The following LONRF3 variants were observed in gnomAD, a reference collection of about 807,000 sequenced individuals.
The protein encoded by LONRF3 is LON peptidase N-terminal domain and ring finger 3, also known as LON peptidase N-terminal domain and RING finger protein 3.
Under a neutral mutation model 51.7 loss-of-function variants are expected in LONRF3, and 19 were observed. The ratio of observed to expected loss-of-function variants is 0.37; its 90% confidence interval spans 0.26 to 0.54. LONRF3 has a LOEUF of 0.54. Ranked by LOEUF, LONRF3 falls within the 20% of genes least tolerant of loss-of-function variation. The probability of loss-of-function intolerance (pLI) is 0.86; values close to 1 mark genes in which losing one functional copy is unlikely to be tolerated. For synonymous variants in LONRF3, 265 were observed against 257.8 expected (o/e 1.03, Z -0.27); for missense variants, 521 against 623.9 (o/e 0.84, Z 1.76).
intron 9 of LONRF3, 60 bp downstream of exon 9, chrX:119,013,261 A>G: frequency 9.1e-7 from 1 of 1,100,676 alleles, no homozygotes. Context: ...TTGATACACA[A>G]AGATAGTTGT....
intron 2 of LONRF3, among the ~76,000 whole-genome samples, chrX:118,982,252 G>A (rs1922621088): frequency 8.9e-6 from 1 of 111,878 alleles, no homozygotes; most frequent in Non-Finnish European, 1.9e-5. Flanking sequence ...AGAGCATTCT[G>A]GGAGTCCTGA....
chrX:118,981,766 A>G (rs1054294356), intron 2 of LONRF3, among the ~76,000 whole-genome samples: 1 of 112,090 alleles, frequency 8.9e-6, no homozygotes, highest in Non-Finnish European at 1.9e-5. Context: ...AGGCAGCTTC[A>G]GGGCAGCCTC....
intron 2 of LONRF3, among the ~76,000 whole-genome samples, chrX:118,978,674 C>T (rs1369233122): frequency 1.8e-5 from 2 of 111,574 alleles, no homozygotes; most frequent in African/African-American, 6.5e-5. Context: ...CAACTCATGA[C>T]CTTCAGAGCA....
chrX:119,013,397 T>C (rs1569299013), intron 9 of LONRF3, among the ~76,000 whole-genome samples, 196 bp downstream of exon 9: 1 of 112,475 alleles, frequency 8.9e-6, no homozygotes, highest in East Asian at 2.8e-4. Flanking sequence ...GTCCTGGCTC[T>C]GCTTAGCTGC....
chrX:118,975,861 T>TGTTCCTGTCTCTCAGTCCCC (rs1921997810), intron 1 of LONRF3, among the ~76,000 whole-genome samples: 1 of 111,313 alleles, frequency 9.0e-6, no homozygotes, highest in South Asian at 3.9e-4. Flanking sequence ...TTAGCTTTTG[T>TGTTCCTGTCTCTCAGTCCCC]GTTCCTGTCT....
chrX:118,974,754 C>T lies in LONRF3; in HGVS notation c.-27C>T. 8.7e-7 allele frequency: 1 copy of T among 1,144,250 alleles called. No individual in the cohort carries two copies. The highest frequency in any genetic ancestry group is 1.2e-6 in the Non-Finnish European group (1 of 855,776). The allele number at this position is 1,144,250 out of a possible 1,213,427, so 94.3% of individuals were successfully genotyped here. On this transcript the variant is annotated 5_prime_UTR_variant, in exon 1 of 11. Transcript: ENST00000371628. The stretch of plus-strand genomic sequence containing the variant: ...CTTCGTGTCCCCGGTCCCTAGACGC[C>T]TCGTCTCCTCCCGTGTCCCTCTTCC...
At position 118,978,322 on chromosome X, in the gene LONRF3, G is replaced by T. The variant is rs370732016; in HGVS notation, c.818-23G>T. On this transcript the variant is annotated intron_variant, in intron 1 of 10. Coordinates refer to ENST00000371628, the MANE Select transcript of LONRF3 (RefSeq NM_001031855.3). ...CTTGCGCTGGGGGCCATTAATAAAG[G>T]TTTTTCTTTCTTATTTTGACAGCTC... 2.8e-6 allele frequency: 3 copies of T among 1,081,883 alleles called. No homozygotes were observed. In the African/African-American group the frequency reaches 5.5e-5, roughly 20 times the overall value. The allele number at this position is 1,081,883 out of a possible 1,213,427, so 89.2% of individuals were successfully genotyped here.
chrX:118,980,577 T>TA (rs1225396666), intron 2 of LONRF3, among the ~76,000 whole-genome samples: 1 of 110,937 alleles, frequency 9.0e-6, no homozygotes, highest in African/African-American at 3.3e-5. Flanking sequence ...TTCATTTTTT[T>TA]TTCTGAGAAG....
At chrX:118,982,669 A>G (rs1433106823) in intron 2 of LONRF3, 152 bp from the exon 3 acceptor site, 20 of 705,686 alleles carry the variant, frequency 2.8e-5, no homozygotes, top group Non-Finnish European at 4.0e-5. Flanking sequence ...TTATAATGGC[A>G]TTAGAACAGT....
At chrX:118,999,034 A>T (rs553029193) in intron 5 of LONRF3, among the ~76,000 whole-genome samples, 2 of 112,762 alleles carry the variant, frequency 1.8e-5, no homozygotes, top group African/African-American at 6.4e-5. Flanking sequence ...CTCGCCCTTT[A>T]TGAGCACATA....
intron 2 of LONRF3, 93 bp downstream of exon 2, chrX:118,978,556 C>T: frequency 1.9e-6 from 1 of 539,314 alleles, no homozygotes; most frequent in African/African-American, 2.3e-5. Context: ...GGCACTAGAG[C>T]TCAAGCAGAA....
intron 1 of LONRF3, 53 bp from the exon 2 acceptor site, chrX:118,978,292 A>G: frequency 2.5e-6 from 2 of 809,721 alleles, no homozygotes; most frequent in Non-Finnish European, 3.8e-6. Flanking sequence ...AGGACTTAAC[A>G]CCTGCTTGCG....
rs745627958 is a variant in LONRF3, at chrX:118,975,471, G to A, written c.691G>A (p.Gly231Ser). The A allele has an allele frequency of 3.3e-6, 4 of 1,197,686 alleles. No individual in the cohort carries two copies. Among genetic ancestry groups the A allele is most frequent in the Admixed American group, 2.2e-5 (1 of 44,605 alleles). Reference sequence around the variant, plus strand: ...GCTGCGAGTCAACGTGGTGCTCAGCGGCCTCCTCGGCAAGTTGTTTCCAGG... The same window carrying A: ...GCTGCGAGTCAACGTGGTGCTCAGCAGCCTCCTCGGCAAGTTGTTTCCAGG... ...PPLRVNVVLS[G>S]LLGKLFPGPA... Residue 231 changes from glycine (G) to serine (S), a missense_variant, in exon 1 of 11, where the codon GGC becomes AGC. Coordinates refer to ENST00000371628, the MANE Select transcript of LONRF3 (RefSeq NM_001031855.3).
chrX:119,014,967 T>C (rs887398466), intron 10 of LONRF3, among the ~76,000 whole-genome samples: 6 of 112,089 alleles, frequency 5.4e-5, no homozygotes, highest in African/African-American at 1.9e-4. Flanking sequence ...TGAGTTATAC[T>C]AGACAGTAGT....
intron 3 of LONRF3, chrX:118,986,964 T>G (rs1923017352): frequency 8.7e-7 from 1 of 1,152,209 alleles, no homozygotes; most frequent in South Asian, 1.9e-5. Flanking sequence ...CCCGGGGGAT[T>G]CTCAGGAACA....
intron 6 of LONRF3, among the ~76,000 whole-genome samples, chrX:119,008,069 A>G (rs2147302757): frequency 8.9e-6 from 1 of 111,944 alleles, no homozygotes; most frequent in Non-Finnish European, 1.9e-5. Flanking sequence ...TGATTTTCCC[A>G]TAGCCAGGCA....
intron 4 of LONRF3, among the ~76,000 whole-genome samples, 176 bp downstream of exon 4, chrX:118,989,848 A>G (rs1230404990): frequency 9.0e-6 from 1 of 111,635 alleles, no homozygotes; most frequent in Non-Finnish European, 1.9e-5. Context: ...GAGATCATGT[A>G]CAGTGCCTAG....
At position 118,975,349 on chromosome X, in the gene LONRF3, G is replaced by C. The variant is rs139436051; in HGVS notation, c.569G>C (p.Arg190Pro). ...LCLERGRAAD[R>P]RCALCGVKLS... ...CTGGAACGTGGGCGGGCCGCCGACCGGCGCTGTGCGCTGTGCGGGGTCAAG... is the reference window on the plus strand; with the variant it reads ...CTGGAACGTGGGCGGGCCGCCGACCCGCGCTGTGCGCTGTGCGGGGTCAAG... The change falls in exon 1 of 11, where the codon CGG becomes CCG. Residue 190 changes from arginine to proline, a missense_variant. Around this residue, in one of 2 missense-constraint regions of LONRF3, gnomAD observed 376 missense variants for 376.7 expected, o/e 1.00. Coordinates refer to ENST00000371628, the MANE Select transcript of LONRF3 (RefSeq NM_001031855.3). 60 of 1,208,598 alleles carry C rather than the reference G, an allele frequency of 5.0e-5. No individual in the cohort carries two copies. Among genetic ancestry groups the C allele is most frequent in the Admixed American group, 6.5e-5 (3 of 45,956 alleles).
rs35356301 is a variant in LONRF3, at chrX:118,986,051, AACACACACACACACACAC to A, written c.1059+3142_1059+3159del. On this transcript the variant is annotated intron_variant, in intron 3 of 10. Transcript: ENST00000371628. The stretch of plus-strand genomic sequence containing the variant: ...TGTGTTACATGTTTCAGTATATGGA[AACACACACACACACACAC>A]ACACACACACACACACACACACACA... 3.9e-3 allele frequency among the ~76,000 whole-genome samples: 327 copies of A among 83,847 alleles called. 1 individual carries two copies. The highest frequency in any genetic ancestry group is 0.013 in the African/African-American group (294 of 22,499). 72.8% of individuals were successfully genotyped at this position (83,847 alleles called of 115,157 possible).
Sources: gnomAD v4.1 joint callset for allele counts (sites outside exome capture counted in the v4.1 genomes callset) on GRCh38, gnomAD v4.1.1 for gene constraint, gnomAD v4.1.1 regional missense constraint, MANE v1.5 for transcripts, NCBI Gene and HGNC (gene_info 2026-07-23, HGNC 2026-07-21) for gene names.